ZNF292: variants seen among roughly 807,000 people sequenced by gnomAD.
ZNF292 encodes the protein 16 zinc-finger domain protein.
In ZNF292, 26 loss-of-function variants were observed where a neutral mutation model predicts 217.9. The observed-to-expected ratio is 0.12, with a 90% CI of 0.09 to 0.17. The LOEUF (loss-of-function observed/expected upper bound fraction) is 0.17, where lower values mean the gene tolerates loss of function less well. Ranked by LOEUF, ZNF292 falls within the 10% of genes least tolerant of loss-of-function variation. The pLI, the probability that ZNF292 is intolerant of heterozygous loss-of-function variation, is 1.00. For missense variants in ZNF292, 2,904 were observed against 3,175.2 expected (o/e 0.91, Z 2.05); for synonymous variants, 1,257 against 1,124.1 (o/e 1.12, Z -2.37).
intron 1 of ZNF292, among the ~76,000 whole-genome samples, chr6:87,208,683 G>A (rs77510748): frequency 1.3e-5 from 2 of 151,890 alleles, no homozygotes; most frequent in Admixed American, 1.3e-4. Context: ...ATATTTAAGG[G>A]TATACTGCTA....
chr6:87,246,392 A>G (rs1774586613), intron 7 of ZNF292, among the ~76,000 whole-genome samples: 1 of 152,246 alleles, frequency 6.6e-6, no homozygotes, highest in Non-Finnish European at 1.5e-5. Flanking sequence ...TTTTTAGTGT[A>G]TAGCAGCTGA....
intron 1 of ZNF292, 90 bp downstream of exon 1, chr6:87,155,849 C>T (rs769326509): frequency 1.1e-5 from 15 of 1,416,280 alleles, no homozygotes; most frequent in Non-Finnish European, 1.4e-5. Flanking sequence ...GTGGTCGCCG[C>T]TTCCTTGGCA....
At chr6:87,191,668 TTTTA>T (rs1249910401) in intron 1 of ZNF292, among the ~76,000 whole-genome samples, 2 of 152,194 alleles carry the variant, frequency 1.3e-5, no homozygotes, top group Non-Finnish European at 2.9e-5. Flanking sequence ...GTTGCTTTTA[TTTTA>T]TTTATTTATT....
chr6:87,206,865 C>T (rs1453993901), intron 1 of ZNF292, among the ~76,000 whole-genome samples: 1 of 152,094 alleles, frequency 6.6e-6, no homozygotes, highest in Non-Finnish European at 1.5e-5. Context: ...CAGTTTTATA[C>T]CTATTAAGTA....
intron 1 of ZNF292, among the ~76,000 whole-genome samples, chr6:87,204,062 C>T (rs142849716): frequency 2.2e-4 from 33 of 152,206 alleles, no homozygotes; most frequent in African/African-American, 8.0e-4. Flanking sequence ...ACTAAAAATG[C>T]GTAGCCTAAA....
chr6:87,238,332 A>C (rs1181998227), intron 5 of ZNF292, among the ~76,000 whole-genome samples: 4 of 152,078 alleles, frequency 2.6e-5, no homozygotes, highest in Non-Finnish European at 5.9e-5. Flanking sequence ...ACGAAAATAT[A>C]AAAATTAGCC....
At chr6:87,248,057 T>C (rs1774696554) in intron 7 of ZNF292, among the ~76,000 whole-genome samples, 1 of 152,232 alleles carries the variant, frequency 6.6e-6, no homozygotes, top group Non-Finnish European at 1.5e-5. Context: ...GATTTTCTTA[T>C]AGTAACCTTT....
At chr6:87,191,025 T>A (rs564074638) in intron 1 of ZNF292, among the ~76,000 whole-genome samples, 6 of 152,336 alleles carry the variant, frequency 3.9e-5, no homozygotes, top group African/African-American at 4.8e-5. Flanking sequence ...TACTTATATG[T>A]TTATATTTAA....
intron 4 of ZNF292, among the ~76,000 whole-genome samples, chr6:87,227,412 GT>G (rs956356169): frequency 2.0e-5 from 3 of 151,276 alleles, no homozygotes; most frequent in African/African-American, 7.3e-5. Flanking sequence ...GCTGAATTGT[GT>G]TTTTTTAAAT....
chr6:87,229,158 ATTG>A (rs1250683092), intron 4 of ZNF292, among the ~76,000 whole-genome samples: 1 of 151,544 alleles, frequency 6.6e-6, no homozygotes, highest in African/African-American at 2.4e-5. Context: ...TTCTTATTTT[ATTG>A]TTTTTGTTGC....
rs1244897385 is a variant in ZNF292, at chr6:87,263,732, CTG to C, written c.*1932_*1933del. The C allele has an allele frequency of 6.6e-6, 1 of 151,930 alleles. No homozygotes were observed. Among genetic ancestry groups the C allele is most frequent in the Non-Finnish European group, 1.5e-5 (1 of 67,966 alleles). The allele number at this position is 151,930 out of a possible 1,614,324, so 9.4% of individuals were successfully genotyped here. ...CCTAAATTAACAATAATTTAAATAACTGAGTAATTTTAATATTAAATTTTTGT... is the reference window on the plus strand; with the variant it reads ...CCTAAATTAACAATAATTTAAATAACAGTAATTTTAATATTAAATTTTTGT... On this transcript the variant is annotated 3_prime_UTR_variant, in exon 8 of 8. Transcript: ENST00000369577.
rs1365417826 is a variant in ZNF292 at position 87,175,232 on chromosome 6, CT to C, written c.168+19481del. On this transcript the variant is annotated intron_variant, in intron 1 of 7. Coordinates refer to ENST00000369577, the MANE Select transcript of ZNF292 (RefSeq NM_015021.3). ...TTCCTAAAAAAGGTTTTCCTTAATT[CT>C]TTTTTTTCCCCTCATCGTTATTGCC... Among the ~76,000 whole-genome samples, 8 of 152,014 alleles carry C rather than the reference CT, an allele frequency of 5.3e-5. No individual in the cohort carries two copies. The East Asian group carries it at 7.7e-4, about 15-fold the overall frequency.
At chr6:87,197,722 CAAAAAAAAAAAAA>C (rs11312557) in intron 1 of ZNF292, among the ~76,000 whole-genome samples, 2 of 77,310 alleles carry the variant, frequency 2.6e-5, no homozygotes, top group African/African-American at 9.5e-5. Flanking sequence ...CTCGCTGTTT[CAAAAAAAAAAAAA>C]AAAAAAAAAA....
At position 87,231,377 on chromosome 6, in the gene ZNF292, A is replaced by C. The variant is rs77436315; in HGVS notation, c.539-1948A>C. Among the ~76,000 whole-genome samples, 1,108 of 152,312 alleles carry C rather than the reference A, an allele frequency of 7.3e-3. 7 individuals are homozygous for C. The highest frequency in any genetic ancestry group is 0.011 in the Non-Finnish European group (754 of 68,010). Reference sequence around the variant, plus strand: ...CACACTGTATAAAGCTAGAAGTCAGAAGACTCATTCTACTCCTCGCTATGT... The same window carrying C: ...CACACTGTATAAAGCTAGAAGTCAGCAGACTCATTCTACTCCTCGCTATGT... On this transcript the variant is annotated intron_variant, in intron 4 of 7. Coordinates refer to ENST00000369577, the MANE Select transcript of ZNF292 (RefSeq NM_015021.3).
At chr6:87,246,172 A>G (rs751425179) in intron 7 of ZNF292, among the ~76,000 whole-genome samples, 11 of 152,248 alleles carry the variant, frequency 7.2e-5, no homozygotes, top group Non-Finnish European at 1.3e-4. Flanking sequence ...CGGAGATTGC[A>G]GTGAGCTGAG....
intron 1 of ZNF292, among the ~76,000 whole-genome samples, chr6:87,181,879 T>G (rs1412301815): frequency 2.6e-5 from 4 of 152,120 alleles, no homozygotes; most frequent in Non-Finnish European, 5.9e-5. Flanking sequence ...AGATGGGGTT[T>G]CGCCATGTTG....
Position 87,259,520 on chromosome 6 carries a change from T to C in ZNF292, c.5891T>C (p.Leu1964Pro). The C allele has an allele frequency of 6.3e-7, 1 of 1,587,388 alleles. No individual in the cohort carries two copies. Among genetic ancestry groups the C allele is most frequent in the Non-Finnish European group, 8.6e-7 (1 of 1,165,598 alleles). The change falls in exon 8 of 8, where the codon CTC becomes CCC. Residue 1964 changes from leucine to proline, a missense_variant. By Grantham distance (98) the Leu-to-Pro change is moderately conservative. Transcript: ENST00000369577. ...CTKTFTRNSNLRAHCQLVHHF... is the reference protein window; with the variant it reads ...CTKTFTRNSNPRAHCQLVHHF... ...AAAACATTTACAAGAAATTCTAACC[T>C]CCGGGCACACTGTCAGTTGGTGCAT...
intron 1 of ZNF292, among the ~76,000 whole-genome samples, chr6:87,191,605 T>A (rs546417455): frequency 6.6e-6 from 1 of 152,370 alleles, no homozygotes; most frequent in Non-Finnish European, 1.5e-5. Flanking sequence ...ATAAACATTC[T>A]ACAACACTTG....
chr6:87,263,654 T>C lies in ZNF292; in HGVS notation c.*1853T>C, dbSNP rs1327364594. 2 of 152,250 alleles carry C rather than the reference T, an allele frequency of 1.3e-5. No homozygotes were observed. Among genetic ancestry groups the C allele is most frequent in the South Asian group, 2.1e-4 (1 of 4,826 alleles). 9.4% of individuals were successfully genotyped at this position (152,250 alleles called of 1,614,324 possible). A position where few individuals can be genotyped will look rare whatever the true frequency, so the allele number is the denominator to read the frequency against. ...CTGCCCTTTGGTGAGCCCACTGTTA[T>C]TTATTAAAATAAAAGTTATTTTATG... On this transcript the variant is annotated 3_prime_UTR_variant, in exon 8 of 8. Coordinates refer to ENST00000369577, the MANE Select transcript of ZNF292 (RefSeq NM_015021.3).
Sources: allele counts gnomAD v4.1 joint callset (sites outside exome capture counted in the v4.1 genomes callset), GRCh38; gene constraint gnomAD v4.1.1; transcripts MANE v1.5; gene names NCBI Gene and HGNC (gene_info 2026-07-23, HGNC 2026-07-21).